NSMAF: variants seen among roughly 807,000 people sequenced by gnomAD.
The protein encoded by NSMAF is neutral sphingomyelinase activation associated factor, also known as protein FAN.
Under a neutral mutation model 134.9 loss-of-function variants are expected in NSMAF, and 90 were observed. That is an observed-to-expected ratio of 0.67 (90% CI 0.56 to 0.79). NSMAF has a LOEUF of 0.79. Ranked by LOEUF, NSMAF falls within the 30% of genes least tolerant of loss-of-function variation. The pLI, the probability that NSMAF is intolerant of heterozygous loss-of-function variation, is 0.00. For missense variants in NSMAF, 1,010 were observed against 1,119.0 expected, an observed-to-expected ratio of 0.90 and a Z score of 1.39; for synonymous variants, 358 against 389.6, an observed-to-expected ratio of 0.92 and a Z score of 0.96.
intron 6 of NSMAF, 150 bp downstream of exon 6, chr8:58,631,346 C>T (rs1666717028): frequency 4.7e-6 from 2 of 423,120 alleles, no homozygotes; most frequent in South Asian, 1.1e-4. Context: ...TCTGTGGCTC[C>T]CTTGGGTAAT....
At chr8:58,605,517 C>T (rs1806385079) in intron 12 of NSMAF, among the ~76,000 whole-genome samples, 1 of 152,022 alleles carries the variant, frequency 6.6e-6, no homozygotes, top group Admixed American at 6.5e-5. Context: ...AACATACATT[C>T]AGAATGAACT....
At chr8:58,609,475 C>T (rs2680899) in intron 10 of NSMAF, 129 bp downstream of exon 10, 436,564 of 814,346 alleles carry the variant, frequency 0.54, 120,835 homozygotes, top group Admixed American at 0.65. Context: ...CAGATGCTGC[C>T]TGTGAAGGGG....
At chr8:58,599,530 AAG>A in intron 18 of NSMAF, 167 bp from the exon 19 acceptor site, 1 of 942,552 alleles carries the variant, frequency 1.1e-6, no homozygotes, top group South Asian at 2.0e-5. Context: ...TTGGGGAAAA[AAG>A]TGGCAAGAAT....
intron 6 of NSMAF, among the ~76,000 whole-genome samples, chr8:58,624,388 C>T (rs541644599): frequency 1.7e-4 from 26 of 152,102 alleles, no homozygotes; most frequent in African/African-American, 6.0e-4. Context: ...TCTTTTTTAA[C>T]GTAGACATTT....
At position 58,641,849 on chromosome 8, in the gene NSMAF, C is replaced by T. The variant is rs145857425; in HGVS notation, c.149+1135G>A. Among the ~76,000 whole-genome samples, 862 of 152,242 alleles carry T rather than the reference C, an allele frequency of 5.7e-3. 7 individuals carry two copies. Among genetic ancestry groups the T allele is most frequent in the African/African-American group, 0.019 (808 of 41,542 alleles). ...CTACATGGGGCTGTACCATTTTGCC[C>T]TAATAGTTACTTTAAAATTATAAAA... On this transcript the variant is annotated intron_variant, in intron 2 of 30. Coordinates refer to ENST00000038176, the MANE Select transcript of NSMAF (RefSeq NM_003580.4).
intron 12 of NSMAF, 98 bp from the exon 13 acceptor site, chr8:58,603,484 GA>G (rs1806334979): frequency 5.4e-6 from 6 of 1,103,946 alleles, no homozygotes; most frequent in African/African-American, 4.7e-5. Context: ...GTGCATTCTT[GA>G]AAAATGCATT....
At chr8:58,624,449 T>A (rs2129144541) in intron 6 of NSMAF, among the ~76,000 whole-genome samples, 1 of 152,306 alleles carries the variant, frequency 6.6e-6, no homozygotes, top group Non-Finnish European at 1.5e-5. Flanking sequence ...CACCTAAGTT[T>A]TGGTATATCA....
chr8:58,646,629 T>C (rs939501471), intron 1 of NSMAF, among the ~76,000 whole-genome samples: 1 of 152,234 alleles, frequency 6.6e-6, no homozygotes, highest in African/African-American at 2.4e-5. Context: ...ACTAAAGTGT[T>C]GTTATACCCG....
chr8:58,635,434 G>C, intron 3 of NSMAF, 34 bp downstream of exon 3: 1 of 1,564,206 alleles, frequency 6.4e-7, no homozygotes, highest in South Asian at 1.2e-5. Context: ...ACAAAAAATA[G>C]GAATGTTTCT....
chr8:58,589,514 C>T lies in NSMAF; in HGVS notation c.2149G>A (p.Val717Ile), dbSNP rs750519769. The T allele has an allele frequency of 1.3e-6, 2 of 1,569,044 alleles. No homozygotes were observed. The highest frequency in any genetic ancestry group is 2.4e-5 in the South Asian group (2 of 82,586). The stretch of plus-strand genomic sequence containing the variant: ...TTGTCATGCCAACAGATCTTACTAA[C>T]AGCATCATCATGTCCCATTAACGTG... ...QDTLMGHDDA[V>I]SKICWHDNRL... The change falls in exon 26 of 31, where the codon GTT becomes ATT. Residue 717 changes from valine to isoleucine, a missense_variant. Transcript: ENST00000038176.
intron 1 of NSMAF, among the ~76,000 whole-genome samples, chr8:58,658,124 A>G (rs1245932595): frequency 6.6e-6 from 1 of 152,232 alleles, no homozygotes; most frequent in African/African-American, 2.4e-5. Context: ...AGTGTGTCAA[A>G]GTTCTCACAA....
At chr8:58,641,105 G>T (rs1228468459) in intron 2 of NSMAF, among the ~76,000 whole-genome samples, 1 of 151,988 alleles carries the variant, frequency 6.6e-6, no homozygotes, top group Non-Finnish European at 1.5e-5. Flanking sequence ...TATTTTAGCA[G>T]AGACGAGGTT....
At chr8:58,625,432 G>GTATGTA (rs1231534579) in intron 6 of NSMAF, among the ~76,000 whole-genome samples, 1 of 111,168 alleles carries the variant, frequency 9.0e-6, no homozygotes, top group Non-Finnish European at 2.1e-5. Flanking sequence ...ATGTGTGAAT[G>GTATGTA]TATGTACACA....
chr8:58,590,176 G>A (rs543887814), intron 24 of NSMAF, 102 bp from the exon 25 acceptor site: 17 of 951,736 alleles, frequency 1.8e-5, no homozygotes, highest in South Asian at 4.5e-5. Context: ...TGCTCAAATC[G>A]TCTTTATGTG....
At chr8:58,600,186 A>G (rs1042782884) in intron 16 of NSMAF, 165 bp from the exon 17 acceptor site, 3 of 616,472 alleles carry the variant, frequency 4.9e-6, no homozygotes, top group Non-Finnish European at 8.5e-6. Flanking sequence ...AACAAAAGGG[A>G]ACACTGGGGC....
rs1173582207 is a variant in NSMAF, at chr8:58,601,530, G to T, written c.1131C>A (p.Arg377=). Residue 377 remains arginine (R), a synonymous_variant, in exon 15 of 31, where the codon CGC becomes CGA. Coordinates refer to ENST00000038176, the MANE Select transcript of NSMAF (RefSeq NM_003580.4). The part of the protein sequence containing the change: ...NKERLERLLT[R]YQEMPEPKFM... ...ACTTTGGTTCAGGCATTTCCTGGTA[G>T]CGTGTCTAGAATACAGAAAAAAAAA... 1.9e-6 allele frequency: 3 copies of T among 1,591,446 alleles called. No individual in the cohort carries two copies. In the African/African-American group the frequency reaches 4.2e-5, roughly 23 times the overall value.
intron 1 of NSMAF, among the ~76,000 whole-genome samples, chr8:58,657,446 A>G (rs1472774888): frequency 6.6e-6 from 1 of 150,898 alleles, no homozygotes; most frequent in Non-Finnish European, 1.5e-5. Flanking sequence ...GGAGCCAATG[A>G]CGAATCCAAT....
chr8:58,597,649 T>G, intron 20 of NSMAF, 99 bp from the exon 21 acceptor site: 1 of 1,170,660 alleles, frequency 8.5e-7, no homozygotes, highest in South Asian at 1.4e-5. Flanking sequence ...GGACTAACCC[T>G]CAAATAATGA....
chr8:58,643,121 A>G, intron 1 of NSMAF, 48 bp from the exon 2 acceptor site: 2 of 1,336,120 alleles, frequency 1.5e-6, no homozygotes, highest in Non-Finnish European at 2.2e-6. Context: ...TTTAGTAAGT[A>G]TAAGAAGGCA....
Sources: gnomAD v4.1 joint callset for allele counts (sites outside exome capture counted in the v4.1 genomes callset) on GRCh38, gnomAD v4.1.1 for gene constraint, MANE v1.5 for transcripts, NCBI Gene and HGNC (gene_info 2026-07-23, HGNC 2026-07-21) for gene names.